RBFOX2: variants seen among roughly 807,000 people sequenced by gnomAD.
RBFOX2 encodes RNA binding fox-1 homolog 2, also known as RNA binding protein fox-1 homolog 2.
In RBFOX2, 10 loss-of-function variants were observed where a neutral mutation model predicts 49.1. That is an observed-to-expected ratio of 0.20 (90% confidence interval 0.13 to 0.35). RBFOX2 has a LOEUF of 0.35. Among genes scored for constraint, RBFOX2 ranks in the 10% least tolerant of loss-of-function variants. The pLI is 1.00. For synonymous variants in RBFOX2, 183 were observed against 187.4 expected (o/e 0.98, Z 0.19); for missense variants, 323 against 486.9 (o/e 0.66, Z 3.17).
chr22:35,941,212 G>A (rs547914981), upstream of RBFOX2, among the ~76,000 whole-genome samples: 13 of 152,158 alleles, frequency 8.5e-5, no homozygotes, highest in East Asian at 9.6e-4. Flanking sequence ...GGCTCTTTCC[G>A]AAATGCACAA....
chr22:35,848,551 C>A (rs1307489043), intron 1 of RBFOX2, among the ~76,000 whole-genome samples: 1 of 152,150 alleles, frequency 6.6e-6, no homozygotes, highest in Non-Finnish European at 1.5e-5. Context: ...CAGGCCCAAT[C>A]CAAAATAGCT....
At chr22:35,805,343 C>T (rs974545478) in intron 2 of RBFOX2, among the ~76,000 whole-genome samples, 2 of 149,446 alleles carry the variant, frequency 1.3e-5, no homozygotes, top group South Asian at 2.1e-4. Context: ...AGATACCTCA[C>T]CAAATAAGAT....
upstream of RBFOX2, chr22:35,961,707 T>C (rs1342808315): frequency 5.4e-6 from 7 of 1,298,992 alleles, no homozygotes; most frequent in Admixed American, 2.3e-5. Flanking sequence ...CCTATTGGCT[T>C]CATGGAGCAG....
intron 1 of RBFOX2, among the ~76,000 whole-genome samples, chr22:35,932,612 G>A (rs2052560276): frequency 6.6e-6 from 1 of 152,208 alleles, no homozygotes; most frequent in African/African-American, 2.4e-5. Context: ...CCCGCGTGGT[G>A]GTTCACATCT....
chr22:35,952,085 A>G (rs1324925973), intron 1 of RBFOX2, among the ~76,000 whole-genome samples: 1 of 152,146 alleles, frequency 6.6e-6, no homozygotes, highest in Non-Finnish European at 1.5e-5. Flanking sequence ...GCTTATGTGA[A>G]CAGCCCCCTT....
intron 6 of RBFOX2, among the ~76,000 whole-genome samples, chr22:35,762,021 G>A (rs1184526885): frequency 1.3e-5 from 2 of 151,974 alleles, no homozygotes; most frequent in Non-Finnish European, 2.9e-5. Flanking sequence ...GATTTTACTG[G>A]GGTTCACCAA....
In RBFOX2 at chr22:35,749,149, G is replaced by A. The variant is rs575467866; in HGVS notation, c.888-2588C>T. The stretch of plus-strand genomic sequence containing the variant: ...GAGATGGAGAGAATCTATCTGTAGC[G>A]GTTTCCTTCTTTGATAAGTCAAGTC... On this transcript the variant is annotated intron_variant, in intron 9 of 11. Coordinates refer to ENST00000405409, the Ensembl canonical transcript of RBFOX2. The surrounding 1 kb of genome is among the most constrained non-coding windows in gnomAD (Gnocchi z 4.1). 1.3e-5 allele frequency among the ~76,000 whole-genome samples: 2 copies of A among 152,122 alleles called. No individual in the cohort carries two copies. The highest frequency in any genetic ancestry group is 6.5e-5 in the Admixed American group (1 of 15,270).
intron 6 of RBFOX2, among the ~76,000 whole-genome samples, chr22:35,762,559 T>G (rs932042557): frequency 6.9e-6 from 1 of 144,914 alleles, no homozygotes; most frequent in Non-Finnish European, 1.5e-5. Context: ...CAGGCTGGAG[T>G]GCAGTGGCGC....
intron 1 of RBFOX2, among the ~76,000 whole-genome samples, chr22:35,830,830 G>A (rs1192549298): frequency 6.6e-6 from 1 of 151,962 alleles, no homozygotes; most frequent in Non-Finnish European, 1.5e-5. Context: ...AAAGCAATAA[G>A]GTATAAAATA....
chr22:35,985,895 GATAGATGGATA>G (rs2057689562), intron 1 of RBFOX2, among the ~76,000 whole-genome samples: 2 of 131,660 alleles, frequency 1.5e-5, no homozygotes, highest in East Asian at 2.3e-4. Context: ...TAGATAGATA[GATAGATGGATA>G]GATAGATAGA....
At chr22:35,763,943 C>G (rs1019197290) in intron 6 of RBFOX2, among the ~76,000 whole-genome samples, 31 of 152,184 alleles carry the variant, frequency 2.0e-4, no homozygotes, top group Non-Finnish European at 4.0e-4. Flanking sequence ...GTCAGAGGCT[C>G]TTTCTGTCAC....
rs755318749 is a variant in RBFOX2, at chr22:35,825,426, G to GAA, written c.27+14764_27+14765dup. Among the ~76,000 whole-genome samples the GAA allele has an allele frequency of 1.2e-4, 12 of 104,060 alleles. No individual in the cohort carries two copies. The South Asian group carries it at 2.7e-3, about 24-fold the overall frequency. 68.3% of individuals were successfully genotyped at this position (104,060 alleles called of 152,430 possible). A position where few individuals can be genotyped will look rare whatever the true frequency, so the allele number is the denominator to read the frequency against. ...GCCTTCAAATAAATTTTGACTAAGT[G>GAA]AAAAAAAAAAAAAAAGAAAAAGTTT... On this transcript the variant is annotated intron_variant, in intron 1 of 11. Transcript: ENST00000405409.
chr22:35,856,761 G>A (rs555304965), intron 1 of RBFOX2, among the ~76,000 whole-genome samples: 7 of 152,226 alleles, frequency 4.6e-5, no homozygotes, highest in East Asian at 3.9e-4. Context: ...GGCCAGGCAC[G>A]GTGGCTCACA....
intron 1 of RBFOX2, among the ~76,000 whole-genome samples, chr22:35,810,841 C>CA (rs1951738002): frequency 6.6e-6 from 1 of 152,070 alleles, no homozygotes. Flanking sequence ...CCAAAACCCC[C>CA]AAAAGTTTCC....
At chr22:35,753,795 T>G (rs1206415241) in intron 9 of RBFOX2, among the ~76,000 whole-genome samples, 1 of 142,996 alleles carries the variant, frequency 7.0e-6, no homozygotes, top group Admixed American at 7.0e-5. Context: ...TTTTTTTTTT[T>G]TTTTTGAGAC....
chr22:35,766,827 C>A (rs1941109170), intron 5 of RBFOX2, among the ~76,000 whole-genome samples: 1 of 152,052 alleles, frequency 6.6e-6, no homozygotes, highest in South Asian at 2.1e-4. Context: ...TGGCCAGAAC[C>A]AATCAGAAAC....
upstream of RBFOX2, among the ~76,000 whole-genome samples, chr22:35,841,923 T>G (rs529754779): frequency 6.6e-6 from 1 of 152,334 alleles, no homozygotes; most frequent in Admixed American, 6.5e-5. Context: ...CCAGGCGCAG[T>G]GTCTCATACC....
intron 1 of RBFOX2, among the ~76,000 whole-genome samples, chr22:36,011,029 C>A (rs867870330): frequency 1.3e-5 from 2 of 152,172 alleles, no homozygotes; most frequent in South Asian, 2.1e-4. Context: ...AGCAGTGACA[C>A]TCAATCAGGA....
chr22:35,787,049 A>C (rs1946555850), intron 2 of RBFOX2, among the ~76,000 whole-genome samples: 1 of 151,776 alleles, frequency 6.6e-6, no homozygotes, highest in African/African-American at 2.4e-5. Flanking sequence ...TACCTTTTTA[A>C]ATTTTTTTGA....
Sources: gnomAD v4.1 joint callset for allele counts (sites outside exome capture counted in the v4.1 genomes callset) on GRCh38, gnomAD v4.1.1 for gene constraint, Gnocchi (gnomAD v3.1) non-coding constraint, MANE v1.5 for transcripts, NCBI Gene and HGNC (gene_info 2026-07-23, HGNC 2026-07-21) for gene names.